Variants in COL14A1 observed in about 807,000 individuals in gnomAD.
The protein encoded by COL14A1 is collagen alpha-1(XIV) chain.
In COL14A1, 136 loss-of-function variants were observed where a neutral mutation model predicts 230.3. The ratio of observed to expected loss-of-function variants is 0.59; its 90% CI spans 0.51 to 0.68. The LOEUF (loss-of-function observed/expected upper bound fraction) is 0.68. COL14A1 is among the 30% of genes least tolerant of loss of function. The pLI, the probability that COL14A1 is intolerant of heterozygous loss-of-function variation, is 0.00. For missense variants in COL14A1, 1,976 were observed against 2,215.8 expected (o/e 0.89, Z 2.17); for synonymous variants, 792 against 784.1 (o/e 1.01, Z -0.17).
chr8:120,298,694 A>G (rs1820612555), intron 35 of COL14A1, among the ~76,000 whole-genome samples: 1 of 139,890 alleles, frequency 7.1e-6, no homozygotes, highest in Admixed American at 7.5e-5. Context: ...GGCACGGACA[A>G]CCATGTCATG....
In COL14A1 at chr8:120,281,067, T is replaced by G; in HGVS notation, c.3824+8T>G. ...GGTTTCCCAGCCAACCAGGTATGTT[T>G]CTGTTGAAAGATTTTAAAGTCATCG... On this transcript the variant is annotated splice_region_variant and intron_variant, in intron 31 of 47. Transcript: ENST00000297848. 6.3e-7 allele frequency: 1 copy of G among 1,597,490 alleles called. No individual in the cohort carries two copies. Among genetic ancestry groups the G allele is most frequent in the Non-Finnish European group, 8.5e-7 (1 of 1,175,034 alleles).
At chr8:120,264,543 T>C (rs1819448996) in intron 24 of COL14A1, among the ~76,000 whole-genome samples, 1 of 152,162 alleles carries the variant, frequency 6.6e-6, no homozygotes, top group Non-Finnish European at 1.5e-5. Context: ...AGAATACTCA[T>C]TGAAGAGCTT....
chr8:120,285,829 T>C, intron 32 of COL14A1, 32 bp from the exon 33 acceptor site: 1 of 1,392,630 alleles, frequency 7.2e-7, no homozygotes, highest in Non-Finnish European at 9.9e-7. Flanking sequence ...ACTTTAATTA[T>C]TTCTAAAATA....
chr8:120,264,167 T>C lies in COL14A1; in HGVS notation c.3016+1153T>C, dbSNP rs189928990. Among the ~76,000 whole-genome samples the C allele has an allele frequency of 1.5e-3, 221 of 152,330 alleles. 1 individual carries two copies. Among genetic ancestry groups the C allele is most frequent in the East Asian group, 5.8e-4 (3 of 5,188 alleles). ...TCAGACAATCTACTTTCTTTTATTA[T>C]ACATTTGCCTTTTCTGGACATTTCA... On this transcript the variant is annotated intron_variant, in intron 24 of 47. Coordinates refer to ENST00000297848, the MANE Select transcript of COL14A1 (RefSeq NM_021110.4).
chr8:120,235,936 T>C (rs1455947684), intron 19 of COL14A1, among the ~76,000 whole-genome samples: 6 of 152,172 alleles, frequency 3.9e-5, no homozygotes, highest in Non-Finnish European at 7.4e-5. Flanking sequence ...TTTGAGTGAG[T>C]TTCTTAATCC....
At chr8:120,274,648 T>A (rs919285260) in intron 26 of COL14A1, among the ~76,000 whole-genome samples, 4 of 151,840 alleles carry the variant, frequency 2.6e-5, no homozygotes, top group Non-Finnish European at 5.9e-5. Context: ...CAAATCAATG[T>A]ATACAAATCA....
At position 120,342,362 on chromosome 8, in the gene COL14A1, G is replaced by C. The variant is rs767341375; in HGVS notation, c.4822-18G>C. ...GGGCTTGTAGCTGAGTCAGGAGTAT[G>C]CTTTTTTTCTCATCCAGGGTGACCT... On this transcript the variant is annotated intron_variant, in intron 43 of 47. Coordinates refer to ENST00000297848, the MANE Select transcript of COL14A1 (RefSeq NM_021110.4). 17 of 1,613,388 alleles carry C rather than the reference G, an allele frequency of 1.1e-5. No individual in the cohort carries two copies. Among genetic ancestry groups the C allele is most frequent in the Non-Finnish European group, 1.4e-5 (17 of 1,179,452 alleles).
intron 24 of COL14A1, among the ~76,000 whole-genome samples, chr8:120,264,010 G>A (rs1219253333): frequency 6.6e-6 from 1 of 152,098 alleles, no homozygotes; most frequent in Non-Finnish European, 1.5e-5. Flanking sequence ...CATTTTAAGT[G>A]TGCAGTTCAA....
intron 41 of COL14A1, 77 bp from the exon 42 acceptor site, chr8:120,332,587 T>C (rs1821908636): frequency 8.2e-7 from 1 of 1,220,292 alleles, no homozygotes; most frequent in Admixed American, 1.9e-5. Context: ...TATTTGTTAC[T>C]CTTGCTTAAA....
chr8:120,334,453 C>CTGAT (rs1821980863), intron 42 of COL14A1, among the ~76,000 whole-genome samples: 1 of 152,078 alleles, frequency 6.6e-6, no homozygotes, highest in South Asian at 2.1e-4. Context: ...AGAAGAAAAT[C>CTGAT]TGATTGCTTT....
At chr8:120,198,108 T>TG (rs1817105529) in intron 7 of COL14A1, among the ~76,000 whole-genome samples, 178 bp downstream of exon 7, 1 of 152,128 alleles carries the variant, frequency 6.6e-6, no homozygotes, top group Non-Finnish European at 1.5e-5. Context: ...TCTCATTCCT[T>TG]TTACTCTATG....
chr8:120,315,699 T>A, intron 39 of COL14A1, 113 bp downstream of exon 39: 1 of 918,934 alleles, frequency 1.1e-6, no homozygotes, highest in Non-Finnish European at 1.7e-6. Context: ...TTTTCCATAT[T>A]AAAGACTGCC....
chr8:120,353,706 A>C (rs940001650), intron 45 of COL14A1, among the ~76,000 whole-genome samples: 1 of 150,130 alleles, frequency 6.7e-6, no homozygotes, highest in African/African-American at 2.5e-5. Flanking sequence ...ATCTCACACC[A>C]GTTAGAATGG....
intron 40 of COL14A1, among the ~76,000 whole-genome samples, chr8:120,316,822 G>A (rs1821251571): frequency 1.3e-5 from 2 of 152,080 alleles, no homozygotes; most frequent in African/African-American, 4.8e-5. Flanking sequence ...GGAAGGTGGA[G>A]CATTTCCAAT....
chr8:120,181,303 G>GA (rs1816456969), intron 5 of COL14A1, among the ~76,000 whole-genome samples: 2 of 152,098 alleles, frequency 1.3e-5, no homozygotes, highest in Admixed American at 6.5e-5. Flanking sequence ...GCCACATCAT[G>GA]AAAAAATTGA....
At position 120,197,860 on chromosome 8, in the gene COL14A1, A is replaced by G. The variant is rs1817092219; in HGVS notation, c.642A>G (p.Ala214=). ...CCAGAATAGAATGGCACTTGAATGC[A>G]TTTAGCACAAAAGATGAAGTGATTG... is the stretch of plus-strand genomic sequence containing the variant. The part of the protein sequence containing the change: ...GDPRIEWHLN[A]FSTKDEVIEA... Residue 214 remains alanine, a synonymous_variant, in exon 7 of 48, where the codon GCA becomes GCG. Coordinates refer to ENST00000297848, the MANE Select transcript of COL14A1 (RefSeq NM_021110.4). 2.5e-6 allele frequency: 4 copies of G among 1,613,698 alleles called. No homozygotes were observed. Among genetic ancestry groups the G allele is most frequent in the Non-Finnish European group, 3.4e-6 (4 of 1,179,694 alleles).
In COL14A1 at chr8:120,293,721, C is replaced by T. The variant is rs561412834; in HGVS notation, c.4237-3790C>T. Among the ~76,000 whole-genome samples, 10 of 151,928 alleles carry T rather than the reference C, an allele frequency of 6.6e-5. No individual in the cohort carries two copies. The South Asian group carries it at 2.1e-3, about 31-fold the overall frequency. On this transcript the variant is annotated intron_variant, in intron 34 of 47. Transcript: ENST00000297848. Reference sequence around the variant, plus strand: ...GGCAGAGAAGGAAGTTTGGTTTGTACTAGAGACTATATGTCCTATCTGTAC... The same window carrying T: ...GGCAGAGAAGGAAGTTTGGTTTGTATTAGAGACTATATGTCCTATCTGTAC...
intron 24 of COL14A1, 94 bp from the exon 25 acceptor site, chr8:120,266,733 A>G (rs1819510561): frequency 9.8e-7 from 1 of 1,016,574 alleles, no homozygotes; most frequent in Non-Finnish European, 1.5e-6. Context: ...TGTCAAAATC[A>G]TTGACTACCC....
chr8:120,267,033 G>A, intron 25 of COL14A1, 150 bp downstream of exon 25: 2 of 636,756 alleles, frequency 3.1e-6, no homozygotes. Flanking sequence ...CAACCATGAT[G>A]GGCTTGAATG....
Sources: allele counts gnomAD v4.1 joint callset (sites outside exome capture counted in the v4.1 genomes callset), GRCh38; gene constraint gnomAD v4.1.1; transcripts MANE v1.5; gene names NCBI Gene and HGNC (gene_info 2026-07-23, HGNC 2026-07-21).